The following ROBO1 variants were observed in gnomAD, a reference collection of about 807,000 sequenced individuals.
ROBO1 encodes roundabout guidance receptor 1, also known as roundabout homolog 1.
A neutral mutation model predicts 195.9 loss-of-function variants in ROBO1; 149 were observed. That is an observed-to-expected ratio of 0.76 (90% confidence interval 0.67 to 0.87). ROBO1 has a LOEUF of 0.87. ROBO1 is among the 40% of genes least tolerant of loss of function. ROBO1 has a pLI of 0.00. For missense variants in ROBO1, 1,933 were observed against 2,068.3 expected (o/e 0.93, Z 1.27); for synonymous variants, 816 against 733.2 (o/e 1.11, Z -1.82).
chr3:79,242,368 A>C (rs1467978388), intron 2 of ROBO1, among the ~76,000 whole-genome samples: 5 of 152,280 alleles, frequency 3.3e-5, no homozygotes, highest in African/African-American at 9.6e-5. Context: ...AAAATCTATT[A>C]AGGGCCTGGG....
intron 4 of ROBO1, among the ~76,000 whole-genome samples, chr3:78,871,620 A>C (rs139081711): frequency 1.2e-4 from 18 of 151,120 alleles, no homozygotes; most frequent in Admixed American, 3.3e-4. Context: ...TTATACTTAT[A>C]TTTTTCTAAT....
intron 17 of ROBO1, among the ~76,000 whole-genome samples, chr3:78,658,285 CATT>C (rs2107652726): frequency 6.6e-6 from 1 of 152,290 alleles, no homozygotes; most frequent in Admixed American, 6.5e-5. Flanking sequence ...AAAACATGCT[CATT>C]ATTATTAATT....
At chr3:79,561,712 T>A (rs1346198498) in intron 2 of ROBO1, among the ~76,000 whole-genome samples, 1 of 152,028 alleles carries the variant, frequency 6.6e-6, no homozygotes, top group Non-Finnish European at 1.5e-5. Context: ...ATCTTCCAAT[T>A]AAAAAATGAT....
chr3:78,853,653 T>C (rs907303563), intron 4 of ROBO1, among the ~76,000 whole-genome samples: 2 of 152,064 alleles, frequency 1.3e-5, no homozygotes, highest in Non-Finnish European at 2.9e-5. Context: ...CCCTCCATAA[T>C]GTGGCTGAAC....
intron 3 of ROBO1, among the ~76,000 whole-genome samples, chr3:79,005,814 C>T (rs969289966): frequency 2.6e-5 from 4 of 151,934 alleles, no homozygotes; most frequent in African/African-American, 9.7e-5. Flanking sequence ...GATTACTGAC[C>T]CTTCAGAGTA....
At chr3:79,649,235 C>T (rs1223433685) in intron 1 of ROBO1, among the ~76,000 whole-genome samples, 2 of 151,644 alleles carry the variant, frequency 1.3e-5, no homozygotes, top group African/African-American at 4.8e-5. Flanking sequence ...AATAAAACCC[C>T]AAAGGAAGGT....
chr3:79,575,999 T>G (rs1943473573), intron 2 of ROBO1, among the ~76,000 whole-genome samples: 1 of 151,886 alleles, frequency 6.6e-6, no homozygotes, highest in South Asian at 2.1e-4. Flanking sequence ...TTTCTTTGAT[T>G]TCTTTGATTT....
chr3:79,618,855 C>G (rs1317537744), intron 1 of ROBO1, among the ~76,000 whole-genome samples: 1 of 152,142 alleles, frequency 6.6e-6, no homozygotes, highest in South Asian at 2.1e-4. Flanking sequence ...CTCGTGCTAC[C>G]CTTCAATCTC....
intron 3 of ROBO1, among the ~76,000 whole-genome samples, chr3:79,057,689 T>G (rs1257029664): frequency 6.6e-6 from 1 of 152,072 alleles, no homozygotes; most frequent in Non-Finnish European, 1.5e-5. Flanking sequence ...TGGGTTTTAT[T>G]TATCCTTATA....
chr3:79,447,190 G>A (rs1189199882), intron 2 of ROBO1, among the ~76,000 whole-genome samples: 1 of 152,002 alleles, frequency 6.6e-6, no homozygotes, highest in Non-Finnish European at 1.5e-5. Flanking sequence ...AGACAGACTC[G>A]ATTGCCTCTA....
At chr3:78,793,365 C>A (rs1209119122) in intron 4 of ROBO1, among the ~76,000 whole-genome samples, 1 of 152,114 alleles carries the variant, frequency 6.6e-6, no homozygotes, top group Non-Finnish European at 1.5e-5. Flanking sequence ...ACTAATTTGG[C>A]CTTAGAATTT....
chr3:79,727,660 C>T (rs369336779), intron 1 of ROBO1, among the ~76,000 whole-genome samples: 7 of 152,248 alleles, frequency 4.6e-5, no homozygotes, highest in African/African-American at 1.7e-4. Flanking sequence ...AGATTTTCTG[C>T]AACCTGCCAT....
At chr3:79,254,346 TATA>T (rs1403450431) in intron 2 of ROBO1, among the ~76,000 whole-genome samples, 1 of 152,170 alleles carries the variant, frequency 6.6e-6, no homozygotes, top group Non-Finnish European at 1.5e-5. Context: ...ATTTGTACTA[TATA>T]ATAGTTATTT....
intron 4 of ROBO1, among the ~76,000 whole-genome samples, chr3:78,933,325 T>C (rs1400737485): frequency 6.6e-6 from 1 of 152,134 alleles, no homozygotes; most frequent in Non-Finnish European, 1.5e-5. Flanking sequence ...TATTAACTAC[T>C]CTTTGGAAAG....
chr3:78,747,950 C>A (rs2108289347), intron 4 of ROBO1, among the ~76,000 whole-genome samples: 1 of 152,128 alleles, frequency 6.6e-6, no homozygotes, highest in African/African-American at 2.4e-5. Flanking sequence ...CTTTTGCTTC[C>A]CTTTTCACAA....
At chr3:79,368,460 A>T (rs1440863573) in intron 2 of ROBO1, among the ~76,000 whole-genome samples, 3 of 152,124 alleles carry the variant, frequency 2.0e-5, no homozygotes, top group Non-Finnish European at 4.4e-5. Context: ...ACAGCAACTC[A>T]GTGGGCTCAG....
intron 2 of ROBO1, among the ~76,000 whole-genome samples, chr3:79,348,160 G>A (rs376582382): frequency 1.5e-4 from 22 of 146,954 alleles, no homozygotes; most frequent in African/African-American, 4.2e-4. Context: ...GCAGCGAGCC[G>A]AGATTGTGCC....
In ROBO1 at chr3:78,806,451, C is replaced by T. The variant is rs751055275; in HGVS notation, c.500-59551G>A. 5.3e-5 allele frequency among the ~76,000 whole-genome samples: 8 copies of T among 151,908 alleles called. No individual in the cohort carries two copies. The East Asian group carries it at 5.8e-4, about 11-fold the overall frequency. ...AAAAAGTGCTAAAAGTGTTTTGTGA[C>T]GGGAAAGCAGCACTTGTGAAAAAGA... On this transcript the variant is annotated intron_variant, in intron 4 of 30. Transcript: ENST00000464233.
intron 1 of ROBO1, among the ~76,000 whole-genome samples, chr3:79,682,895 A>T (rs1293108599): frequency 2.0e-5 from 3 of 152,058 alleles, no homozygotes; most frequent in Admixed American, 2.0e-4. Flanking sequence ...GCTTCAAATT[A>T]TTGCTGTGTG....
Sources: gnomAD v4.1 joint callset for allele counts (sites outside exome capture counted in the v4.1 genomes callset) on GRCh38, gnomAD v4.1.1 for gene constraint, MANE v1.5 for transcripts, NCBI Gene and HGNC (gene_info 2026-07-23, HGNC 2026-07-21) for gene names.